The following MUC12 variants were observed in gnomAD, a reference collection of about 807,000 sequenced individuals.
MUC12 encodes mucin 12, cell surface associated, also known as mucin-12.
A neutral mutation model predicts 230.8 loss-of-function variants in MUC12; 172 were observed. That is an observed-to-expected ratio of 0.75 (90% CI 0.66 to 0.85). The LOEUF (loss-of-function observed/expected upper bound fraction) is 0.85. Ranked by LOEUF, MUC12 falls within the 40% of genes least tolerant of loss-of-function variation. The probability of loss-of-function intolerance (pLI) is 0.00; values close to 1 mark genes in which losing one functional copy is unlikely to be tolerated. For synonymous variants in MUC12, 1,259 were observed against 2,401.9 expected (o/e 0.52, Z 13.91); for missense variants, 3,506 against 5,920.6 (o/e 0.59, Z 13.38).
rs1312798556 is a variant in MUC12 at position 101,009,087 on chromosome 7, T to C, written c.15187-8T>C. 1 of 1,537,822 alleles carries C rather than the reference T, an allele frequency of 6.5e-7. No homozygotes were observed. The highest frequency in any genetic ancestry group is 2.0e-5 in the Admixed American group (1 of 51,018). ...TTTGTGTGACCTTCGCTGCCTTGTT[T>C]CTTTCAGATGGATGTCGTTTTGAAG... On this transcript the variant is annotated splice_polypyrimidine_tract_variant and splice_region_variant and intron_variant, in intron 4 of 11. Coordinates refer to ENST00000536621, the MANE Select transcript of MUC12 (RefSeq NM_001164462.2).
intron 1 of MUC12, among the ~76,000 whole-genome samples, chr7:100,978,081 C>T (rs1793058993): frequency 1.3e-5 from 2 of 152,198 alleles, no homozygotes; most frequent in South Asian, 4.1e-4. Flanking sequence ...AAGAAGGTCG[C>T]GTTCCCAGGT....
intron 3 of MUC12, among the ~76,000 whole-genome samples, chr7:101,008,056 G>T (rs1283183550): frequency 6.6e-6 from 1 of 151,188 alleles, no homozygotes; most frequent in African/African-American, 2.4e-5. Flanking sequence ...CACCCACCTC[G>T]GTCTCCCAAA....
chr7:100,989,913 A>G (rs1223895676), intron 1 of MUC12, among the ~76,000 whole-genome samples: 3 of 151,982 alleles, frequency 2.0e-5, no homozygotes, highest in Non-Finnish European at 4.4e-5. Context: ...AACTGGTCTC[A>G]AACTCCTGAT....
Position 101,004,834 on chromosome 7 carries a change from G to A in MUC12, c.14271G>A (p.Met4757Ile). The change falls in exon 2 of 12, where the codon ATG becomes ATA. Residue 4757 changes from methionine to isoleucine, a missense_variant. Physicochemically the swap from Met to Ile is conservative, Grantham distance 10 (BLOSUM62 1). Transcript: ENST00000536621. Reference protein sequence around the residue: ...SPDQTLSPASMTSSSISGEPT... With the variant: ...SPDQTLSPASITSSSISGEPT... ...ACCAAACACTCTCACCTGCCAGCAT[G>A]ACAAGCTCCAGCATCAGTGGAGAAC... The A allele has an allele frequency of 6.5e-7, 1 of 1,536,868 alleles. No individual in the cohort carries two copies. Among genetic ancestry groups the A allele is most frequent in the Non-Finnish European group, 8.7e-7 (1 of 1,146,448 alleles).
rs765885709 is a variant in MUC12 at position 101,004,854 on chromosome 7, G to A, written c.14291G>A (p.Gly4764Glu). 10 of 1,536,762 alleles carry A rather than the reference G, an allele frequency of 6.5e-6. No homozygotes were observed. The Middle Eastern group carries it at 1.3e-3, about 205-fold the overall frequency. Residue 4764 changes from glycine (G) to glutamate (E), a missense_variant, in exon 2 of 12, where the codon GGA (glycine) becomes GAA (glutamate). By Grantham distance (98) the Gly-to-Glu change is moderately conservative. Transcript: ENST00000536621. ...AGCATGACAAGCTCCAGCATCAGTG[G>A]AGAACCCACCAGCTTGTATAGCCAA... Reference protein sequence around the residue: ...PASMTSSSISGEPTSLYSQAE... With the variant: ...PASMTSSSISEEPTSLYSQAE...
chr7:100,985,855 C>T (rs772011400), intron 1 of MUC12, among the ~76,000 whole-genome samples: 5 of 152,182 alleles, frequency 3.3e-5, no homozygotes, highest in African/African-American at 1.2e-4. Context: ...GGAACGCCTG[C>T]GTGAGCCTGT....
chr7:100,969,774 G>T (rs1376352505), intron 1 of MUC12, 85 bp downstream of exon 1: 19 of 1,524,264 alleles, frequency 1.2e-5, no homozygotes, highest in Non-Finnish European at 1.7e-5. Flanking sequence ...CAGGGCTGCA[G>T]GTGGCCTCCT....
rs1471182925 is a variant in MUC12, at chr7:101,004,996, C to G, written c.14433C>G (p.Gly4811=). 9.1e-6 allele frequency: 14 copies of G among 1,537,596 alleles called. No homozygotes were observed. Among genetic ancestry groups the G allele is most frequent in the East Asian group, 2.4e-5 (1 of 40,922 alleles). The part of the protein sequence containing the change: ...PGSTETTLSP[G]SITTSSFAQE... Reference sequence around the variant, plus strand: ...CAACTGAGACAACACTGTCCCCTGGCAGCATCACAACTTCATCTTTTGCTC... The same window carrying G: ...CAACTGAGACAACACTGTCCCCTGGGAGCATCACAACTTCATCTTTTGCTC... The change falls in exon 2 of 12, where the codon GGC becomes GGG. Residue 4811 remains glycine, a synonymous_variant. Coordinates refer to ENST00000536621, the MANE Select transcript of MUC12 (RefSeq NM_001164462.2).
intron 11 of MUC12, 55 bp downstream of exon 11, chr7:101,017,718 G>C: frequency 7.6e-7 from 1 of 1,314,930 alleles, no homozygotes; most frequent in Non-Finnish European, 1.0e-6. Flanking sequence ...TTCCTCTGGG[G>C]TTCCCTCTTC....
At chr7:100,982,440 C>CTT (rs569502189) in intron 1 of MUC12, among the ~76,000 whole-genome samples, 10 of 145,154 alleles carry the variant, frequency 6.9e-5, no homozygotes, top group East Asian at 2.0e-4. Context: ...CTTTTCTTTT[C>CTT]TTTTTTTTTT....
rs138379105 is a variant in MUC12, at chr7:101,010,584, C to T, written c.15251+1425C>T. ...GGGCTGGAGTGCCGTGGTGCAATCT[C>T]GGCTCACTGCAGCTTCACCTCCCAG... On this transcript the variant is annotated intron_variant, in intron 5 of 11. Coordinates refer to ENST00000536621, the MANE Select transcript of MUC12 (RefSeq NM_001164462.2). 2.7e-3 allele frequency among the ~76,000 whole-genome samples: 418 copies of T among 152,004 alleles called. 1 individual carries two copies. The highest frequency in any genetic ancestry group is 9.4e-3 in the African/African-American group (388 of 41,436).
In MUC12 at chr7:101,013,974, A is replaced by G; in HGVS notation, c.15700A>G (p.Ser5234Gly). The change falls in exon 9 of 12, where the codon AGC becomes GGC. Residue 5234 changes from serine (S) to glycine (G), a missense_variant. Transcript: ENST00000536621. ...GETCEFNIAKSLVYGIVGAVM... is the reference protein window; with the variant it reads ...GETCEFNIAKGLVYGIVGAVM... The stretch of plus-strand genomic sequence containing the variant: ...GACCTGTGAATTCAACATCGCCAAG[A>G]GCCTCGTGTATGGGATCGTGGGGGC... 6.5e-7 allele frequency: 1 copy of G among 1,536,492 alleles called. No individual in the cohort carries two copies. The highest frequency in any genetic ancestry group is 8.7e-7 in the Non-Finnish European group (1 of 1,146,588).
At chr7:101,013,882 G>A in intron 8 of MUC12, 31 bp from the exon 9 acceptor site, 1 of 1,516,194 alleles carries the variant, frequency 6.6e-7, no homozygotes, top group Non-Finnish European at 8.8e-7. Flanking sequence ...GGGATCCCAG[G>A]GGATCAGCGT....
At chr7:100,970,800 A>T in intron 1 of MUC12, among the ~76,000 whole-genome samples, 1 of 152,082 alleles carries the variant, frequency 6.6e-6, no homozygotes, top group East Asian at 1.9e-4. Flanking sequence ...GATCGAGACC[A>T]TCCTGGCTAA....
intron 8 of MUC12, 123 bp downstream of exon 8, chr7:101,013,265 T>G (rs1401957237): frequency 6.8e-6 from 7 of 1,024,164 alleles, no homozygotes; most frequent in African/African-American, 1.6e-5. Context: ...TCCCCACTCC[T>G]GGACATACCT....
intron 1 of MUC12, among the ~76,000 whole-genome samples, chr7:100,975,813 A>G (rs1167888925): frequency 1.3e-5 from 2 of 152,312 alleles, no homozygotes; most frequent in East Asian, 1.9e-4. Flanking sequence ...CTGAACTTCC[A>G]CAGAGCTAGG....
Position 101,018,640 on chromosome 7 carries a change from A to G in MUC12, c.*4A>G. On this transcript the variant is annotated 3_prime_UTR_variant, in exon 12 of 12. Transcript: ENST00000536621. ...GATGGTAGCATCCACTGTGTGAGCCAACGGGGGCCTCCCACCCTCATCTAG... is the reference window on the plus strand; with the variant it reads ...GATGGTAGCATCCACTGTGTGAGCCGACGGGGGCCTCCCACCCTCATCTAG... 18 of 1,535,610 alleles carry G rather than the reference A, an allele frequency of 1.2e-5. No individual in the cohort carries two copies. Among genetic ancestry groups the G allele is most frequent in the Non-Finnish European group, 1.5e-5 (17 of 1,146,024 alleles).
At chr7:100,988,289 G>GAAAA (rs1167163725) in intron 1 of MUC12, among the ~76,000 whole-genome samples, 36 of 78,540 alleles carry the variant, frequency 4.6e-4, no homozygotes, top group Admixed American at 8.9e-4. Flanking sequence ...GGCTGTCCCA[G>GAAAA]AAAAAAAAAA....
Position 101,005,196 on chromosome 7 carries a change from C to G in MUC12, c.14633C>G (p.Ser4878Cys), listed in dbSNP as rs773906405. ...SNTMSIHSQQ[S>C]TPFPDSPGFT... Reference sequence around the variant, plus strand: ...ACAATGTCCATTCATAGTCAACAATCTACACCCTTCCCTGACAGCCCAGGC... The same window carrying G: ...ACAATGTCCATTCATAGTCAACAATGTACACCCTTCCCTGACAGCCCAGGC... The change falls in exon 2 of 12, where the codon TCT becomes TGT. Residue 4878 changes from serine (S) to cysteine (C), a missense_variant. Ser to Cys is a moderately radical substitution (Grantham distance 112). Coordinates refer to ENST00000536621, the MANE Select transcript of MUC12 (RefSeq NM_001164462.2). 3 of 1,537,806 alleles carry G rather than the reference C, an allele frequency of 2.0e-6. No homozygotes were observed. The highest frequency in any genetic ancestry group is 1.7e-4 in the Middle Eastern group (1 of 6,018).
Sources: allele counts gnomAD v4.1 joint callset (sites outside exome capture counted in the v4.1 genomes callset), GRCh38; gene constraint gnomAD v4.1.1; transcripts MANE v1.5; gene names NCBI Gene and HGNC (gene_info 2026-07-23, HGNC 2026-07-21).